The following KAT7 variants were observed in gnomAD, a reference collection of about 807,000 sequenced individuals.
KAT7 encodes histone acetyltransferase KAT7.
A neutral mutation model predicts 82.1 loss-of-function variants in KAT7; 10 were observed. The ratio of observed to expected loss-of-function variants is 0.12; its 90% CI spans 0.08 to 0.21. KAT7 has a LOEUF of 0.21. KAT7 is among the 10% of genes least tolerant of loss of function. The pLI is 1.00. For synonymous variants in KAT7, 250 were observed against 262.5 expected (o/e 0.95, Z 0.46); for missense variants, 378 against 760.9 (o/e 0.50, Z 5.92).
chr17:49,791,825 G>A (rs2073892879), intron 1 of KAT7, 61 bp from the exon 2 acceptor site: 2 of 1,534,732 alleles, frequency 1.3e-6, no homozygotes, highest in Non-Finnish European at 9.0e-7. Flanking sequence ...TATTTTCAAT[G>A]TTAATGCAAA....
At chr17:49,810,690 C>T (rs1340568737) in intron 6 of KAT7, among the ~76,000 whole-genome samples, 1 of 152,130 alleles carries the variant, frequency 6.6e-6, no homozygotes, top group African/African-American at 2.4e-5. Context: ...TTGAAATGAT[C>T]TTAATTTTAT....
At chr17:49,802,545 A>T (rs2074037746) in intron 4 of KAT7, among the ~76,000 whole-genome samples, 1 of 152,032 alleles carries the variant, frequency 6.6e-6, no homozygotes, top group Non-Finnish European at 1.5e-5. Context: ...CGGCGCTTGT[A>T]ATCCCAGCTA....
At chr17:49,806,824 CTTTG>C (rs1212921106) in intron 5 of KAT7, among the ~76,000 whole-genome samples, 5 of 152,208 alleles carry the variant, frequency 3.3e-5, no homozygotes, top group African/African-American at 1.2e-4. Context: ...AATTTATCCT[CTTTG>C]TTCTCTCTTC....
rs1002211393 is a variant in KAT7, at chr17:49,828,814, G to C, written c.*1312G>C. On this transcript the variant is annotated 3_prime_UTR_variant, in exon 15 of 15. Transcript: ENST00000259021. ...GTCTCCTCCAACATGCTGTCTTCAT[G>C]TGGAGCCCTCACCACAATCCCTGAC... The C allele has an allele frequency of 1.3e-5, 2 of 153,404 alleles. No homozygotes were observed. Among genetic ancestry groups the C allele is most frequent in the African/African-American group, 4.8e-5 (2 of 41,434 alleles). 9.5% of individuals were successfully genotyped at this position (153,404 alleles called of 1,614,324 possible).
intron 2 of KAT7, chr17:49,795,590 C>A: frequency 4.2e-6 from 1 of 240,426 alleles, no homozygotes; most frequent in South Asian, 7.1e-5. Context: ...ATGGCTTATT[C>A]AAACCTACCG....
chr17:49,791,473 C>T (rs2073888234), intron 1 of KAT7, among the ~76,000 whole-genome samples: 1 of 152,176 alleles, frequency 6.6e-6, no homozygotes, highest in East Asian at 1.9e-4. Flanking sequence ...GCCTGGCCAA[C>T]ATAGTGAAAC....
chr17:49,794,084 C>T (rs922181347), intron 2 of KAT7, among the ~76,000 whole-genome samples: 2 of 152,078 alleles, frequency 1.3e-5, no homozygotes, highest in African/African-American at 4.8e-5. Flanking sequence ...ATAACTCAAG[C>T]AGTATGTTAT....
intron 4 of KAT7, among the ~76,000 whole-genome samples, chr17:49,803,967 G>A (rs1382701653): frequency 1.3e-5 from 2 of 150,408 alleles, no homozygotes; most frequent in East Asian, 1.9e-4. Context: ...TATCTCATTA[G>A]CATTGTCCTA....
chr17:49,810,663 A>G (rs771562292), intron 6 of KAT7, among the ~76,000 whole-genome samples: 7 of 152,234 alleles, frequency 4.6e-5, no homozygotes, highest in African/African-American at 7.2e-5. Context: ...AACAGTAAGC[A>G]TTCTATAAAT....
At chr17:49,826,913 C>G in intron 14 of KAT7, 114 bp downstream of exon 14, 1 of 636,342 alleles carries the variant, frequency 1.6e-6, no homozygotes, top group Non-Finnish European at 2.8e-6. Flanking sequence ...GGCTACACGC[C>G]CCTTTTACTG....
intron 2 of KAT7, among the ~76,000 whole-genome samples, chr17:49,793,792 C>T (rs2073919518): frequency 6.6e-6 from 1 of 152,006 alleles, no homozygotes; most frequent in African/African-American, 2.4e-5. Flanking sequence ...AGGATAGTCT[C>T]AATCTCTTGA....
Position 49,832,551 on chromosome 17 carries a change from A to T in KAT7, c.*5049A>T, listed in dbSNP as rs903486837. ...GTGCCGTTGAAGTCCATTCTTGGAC[A>T]TGGAGTTAAGAAACCCTGGTTTGAG... On this transcript the variant is annotated 3_prime_UTR_variant, in exon 15 of 15. Transcript: ENST00000259021. 1 of 152,234 alleles carries T rather than the reference A, an allele frequency of 6.6e-6. No individual in the cohort carries two copies. Among genetic ancestry groups the T allele is most frequent in the African/African-American group, 2.4e-5 (1 of 41,462 alleles). 9.4% of individuals were successfully genotyped at this position (152,234 alleles called of 1,614,324 possible). A position where few individuals can be genotyped will look rare whatever the true frequency, so the allele number is the denominator to read the frequency against.
chr17:49,803,581 C>T (rs192678594), intron 4 of KAT7, among the ~76,000 whole-genome samples: 288 of 152,056 alleles, frequency 1.9e-3, no homozygotes, highest in Admixed American at 4.6e-3. Flanking sequence ...CCCGCCACCA[C>T]ACCCGGCTAA....
intron 6 of KAT7, among the ~76,000 whole-genome samples, chr17:49,810,555 C>A (rs1345894870): frequency 1.3e-5 from 2 of 152,124 alleles, no homozygotes; most frequent in Non-Finnish European, 2.9e-5. Flanking sequence ...CGGTGCCCAA[C>A]CTTGGGTTTT....
At position 49,797,636 on chromosome 17, in the gene KAT7, A is replaced by T. The variant is rs905624380; in HGVS notation, c.341-683A>T. The stretch of plus-strand genomic sequence containing the variant: ...GCTTGCACAGTGTTTAAAATTTTTT[A>T]AATTTGTTGCTAGTATTTGAAAACA... On this transcript the variant is annotated intron_variant, in intron 3 of 14. Transcript: ENST00000259021. 9.2e-5 allele frequency among the ~76,000 whole-genome samples: 14 copies of T among 152,326 alleles called. 1 individual carries two copies. In the East Asian group the frequency reaches 2.7e-3, roughly 29 times the overall value.
intron 9 of KAT7, among the ~76,000 whole-genome samples, chr17:49,818,626 C>T (rs1399332654): frequency 6.6e-6 from 1 of 152,022 alleles, no homozygotes; most frequent in South Asian, 2.1e-4. Flanking sequence ...AGCCATTTTT[C>T]CCCCGCTCTG....
rs1262268988 is a variant in KAT7, at chr17:49,829,059, C to T, written c.*1557C>T. On this transcript the variant is annotated 3_prime_UTR_variant, in exon 15 of 15. Coordinates refer to ENST00000259021, the MANE Select transcript of KAT7 (RefSeq NM_007067.5). ...CCCACATGTGGTAGAATGTGCTCTT[C>T]TATATCTACTCCTCAATAAAGCATG... The T allele has an allele frequency of 6.6e-6, 1 of 152,652 alleles. No homozygotes were observed. Among genetic ancestry groups the T allele is most frequent in the African/African-American group, 2.4e-5 (1 of 41,436 alleles). 9.5% of individuals were successfully genotyped at this position (152,652 alleles called of 1,614,324 possible).
chr17:49,824,440 A>C (rs890887291), intron 12 of KAT7: 8 of 152,048 alleles, frequency 5.3e-5, no homozygotes, highest in African/African-American at 1.9e-4. Flanking sequence ...GCTCACTGCA[A>C]CCTCCGTCTC....
chr17:49,792,367 T>G (rs998219405), intron 2 of KAT7, among the ~76,000 whole-genome samples: 3 of 152,218 alleles, frequency 2.0e-5, no homozygotes, highest in Non-Finnish European at 4.4e-5. Context: ...CCCTTCACTT[T>G]CTGTTTGAAT....
Sources: gnomAD v4.1 joint callset for allele counts (sites outside exome capture counted in the v4.1 genomes callset) on GRCh38, gnomAD v4.1.1 for gene constraint, MANE v1.5 for transcripts, NCBI Gene and HGNC (gene_info 2026-07-23, HGNC 2026-07-21) for gene names.